The following IL1RAP variants were observed in gnomAD, a reference collection of about 807,000 sequenced individuals.
The protein encoded by IL1RAP is interleukin-1 receptor accessory protein.
Under a neutral mutation model 60.7 loss-of-function variants are expected in IL1RAP, and 35 were observed. The ratio of observed to expected loss-of-function variants is 0.58; its 90% CI spans 0.44 to 0.76. IL1RAP has a LOEUF of 0.76. Among genes scored for constraint, IL1RAP ranks in the 30% least tolerant of loss-of-function variants. The pLI, the probability that IL1RAP is intolerant of heterozygous loss-of-function variation, is 0.00. For synonymous variants in IL1RAP, 268 were observed against 250.9 expected, an observed-to-expected ratio of 1.07 and a Z score of -0.64; for missense variants, 572 against 693.9, an observed-to-expected ratio of 0.82 and a Z score of 1.97.
intron 9 of IL1RAP, among the ~76,000 whole-genome samples, chr3:190,640,212 T>C (rs1228344806): frequency 2.0e-5 from 3 of 152,232 alleles, no homozygotes; most frequent in African/African-American, 7.2e-5. Context: ...GTTTAAAAGG[T>C]GCCTTTAATC....
rs1007846343 is a variant in IL1RAP at position 190,644,401 on chromosome 3, A to C, written c.1201+4A>C. The stretch of plus-strand genomic sequence containing the variant: ...GGAACAGATGAAACCATTTTAGGTA[A>C]GTAACAGAAATTTGACATAAACCTC... On this transcript the variant is annotated splice_donor_region_variant and intron_variant, in intron 10 of 11. Transcript: ENST00000447382. 6.2e-7 allele frequency: 1 copy of C among 1,610,498 alleles called. No individual in the cohort carries two copies. The highest frequency in any genetic ancestry group is 8.5e-7 in the Non-Finnish European group (1 of 1,176,956).
At chr3:190,659,181 A>T (rs565815625) in exon 12 of IL1RAP, 1 of 152,328 alleles carries the variant, frequency 6.6e-6, no homozygotes, top group East Asian at 1.9e-4. Context: ...TAAATTTTTC[A>T]TTTATACATT....
chr3:190,626,074 A>G (rs1238541352), intron 7 of IL1RAP, among the ~76,000 whole-genome samples: 2 of 152,198 alleles, frequency 1.3e-5, no homozygotes, highest in Non-Finnish European at 2.9e-5. Context: ...GTGAGTAAAC[A>G]TAGCCACTAC....
chr3:190,613,233 C>T (rs1202372160), intron 5 of IL1RAP, among the ~76,000 whole-genome samples: 1 of 152,172 alleles, frequency 6.6e-6, no homozygotes, highest in African/African-American at 2.4e-5. Context: ...GAAAGGATGA[C>T]ATGGTGCTAT....
At chr3:190,659,552 G>A (rs754466850) in exon 12 of IL1RAP, 5 of 152,058 alleles carry the variant, frequency 3.3e-5, no homozygotes, top group Non-Finnish European at 5.9e-5. Context: ...CATGGGCCAT[G>A]CATATCCATA....
At chr3:190,529,052 T>C (rs1309712735) in intron 1 of IL1RAP, among the ~76,000 whole-genome samples, 1 of 152,246 alleles carries the variant, frequency 6.6e-6, no homozygotes, top group Non-Finnish European at 1.5e-5. Flanking sequence ...GGCTGTTGCC[T>C]CTGCCTGTGG....
intron 1 of IL1RAP, among the ~76,000 whole-genome samples, chr3:190,524,224 G>A (rs1722320370): frequency 6.6e-6 from 1 of 152,008 alleles, no homozygotes; most frequent in African/African-American, 2.4e-5. Flanking sequence ...TTGTAAATTT[G>A]TTTAGGTTCC....
chr3:190,648,849 G>T lies in IL1RAP; in HGVS notation c.*144G>T. Reference sequence around the variant, plus strand: ...GGGATAAATTTAGGGTGACTGTGTGGCTGACTATTCTGCTTCCTCAGGCAA... The same window carrying T: ...GGGATAAATTTAGGGTGACTGTGTGTCTGACTATTCTGCTTCCTCAGGCAA... On this transcript the variant is annotated 3_prime_UTR_variant, in exon 12 of 12. Transcript: ENST00000447382. The T allele has an allele frequency of 7.0e-7, 1 of 1,427,240 alleles. No homozygotes were observed. Among genetic ancestry groups the T allele is most frequent in the Admixed American group, 3.0e-5 (1 of 33,796 alleles). 88.4% of individuals were successfully genotyped at this position (1,427,240 alleles called of 1,614,324 possible). A position where few individuals can be genotyped will look rare whatever the true frequency, so the allele number is the denominator to read the frequency against.
At chr3:190,579,582 G>A (rs1290695968) in intron 3 of IL1RAP, among the ~76,000 whole-genome samples, 1 of 151,946 alleles carries the variant, frequency 6.6e-6, no homozygotes, top group Non-Finnish European at 1.5e-5. Context: ...TTATTACTGA[G>A]GACATCTTTT....
At chr3:190,645,960 C>T in intron 11 of IL1RAP, 118 bp downstream of exon 11, 1 of 818,912 alleles carries the variant, frequency 1.2e-6, no homozygotes, top group Non-Finnish European at 1.9e-6. Flanking sequence ...GTCCGATGCT[C>T]TTTGATGTAA....
intron 3 of IL1RAP, among the ~76,000 whole-genome samples, chr3:190,592,636 A>G (rs895115102): frequency 2.6e-5 from 4 of 152,336 alleles, no homozygotes; most frequent in Admixed American, 1.3e-4. Context: ...ACTAAGAGTG[A>G]AACTCCAGCA....
At position 190,604,435 on chromosome 3, in the gene IL1RAP, G is replaced by C. The variant is rs1490598835; in HGVS notation, c.350+22G>C. The C allele has an allele frequency of 2.5e-6, 4 of 1,604,884 alleles. No individual in the cohort carries two copies. The Admixed American group carries it at 5.1e-5, about 21-fold the overall frequency. ...TAAGGTAGCCTGATTCTTGGCAGTG[G>C]CTTTCTCTTTTCCCTTTAGTTTCTG... is the stretch of plus-strand genomic sequence containing the variant. On this transcript the variant is annotated intron_variant, in intron 4 of 11. Coordinates refer to ENST00000447382, the MANE Select transcript of IL1RAP (RefSeq NM_002182.4).
At chr3:190,652,611 C>T (rs1249900084), downstream of IL1RAP, among the ~76,000 whole-genome samples, 1 of 152,210 alleles carries the variant, frequency 6.6e-6, no homozygotes, top group East Asian at 1.9e-4. Context: ...ATCGAAGTTA[C>T]AAGGCAACAG....
intron 3 of IL1RAP, among the ~76,000 whole-genome samples, chr3:190,567,164 T>C (rs905040996): frequency 1.3e-5 from 2 of 152,202 alleles, no homozygotes; most frequent in African/African-American, 4.8e-5. Flanking sequence ...GTCATACGAT[T>C]CTGACTTCCG....
chr3:190,646,909 A>G (rs1163076085), intron 11 of IL1RAP, among the ~76,000 whole-genome samples: 1 of 152,232 alleles, frequency 6.6e-6, no homozygotes, highest in African/African-American at 2.4e-5. Context: ...TTAATTATAC[A>G]GTTAAAGGAT....
intron 3 of IL1RAP, among the ~76,000 whole-genome samples, chr3:190,596,640 G>T (rs953826457): frequency 6.6e-6 from 1 of 152,142 alleles, no homozygotes; most frequent in African/African-American, 2.4e-5. Context: ...ATGACTTTGT[G>T]GTTCTCCCAT....
Position 190,628,615 on chromosome 3 carries a change from C to T in IL1RAP, c.903-735C>T, listed in dbSNP as rs553394323. The stretch of plus-strand genomic sequence containing the variant: ...CCCAAAACACTTGATCTCTGATTCA[C>T]TGAGAGTTGGATATATTTATTTTTA... On this transcript the variant is annotated intron_variant, in intron 8 of 11. Transcript: ENST00000447382. 5.3e-5 allele frequency among the ~76,000 whole-genome samples: 8 copies of T among 152,264 alleles called. No individual in the cohort carries two copies. The South Asian group carries it at 1.7e-3, about 32-fold the overall frequency.
chr3:190,655,858 T>C (rs1178999332), downstream of IL1RAP: 3 of 1,472,700 alleles, frequency 2.0e-6, no homozygotes, highest in Admixed American at 2.0e-5. Context: ...GTTTTCACTA[T>C]ACATTGTCCT....
At chr3:190,613,200 A>G (rs1730973516) in intron 5 of IL1RAP, among the ~76,000 whole-genome samples, 1 of 152,208 alleles carries the variant, frequency 6.6e-6, no homozygotes, top group Non-Finnish European at 1.5e-5. Context: ...CTTACTCTGC[A>G]TCTCCAGATT....
Sources: gnomAD v4.1 joint callset for allele counts (sites outside exome capture counted in the v4.1 genomes callset) on GRCh38, gnomAD v4.1.1 for gene constraint, MANE v1.5 for transcripts, NCBI Gene and HGNC (gene_info 2026-07-23, HGNC 2026-07-21) for gene names.